Variants in DAB1 observed in about 807,000 individuals in gnomAD.
The protein encoded by DAB1 is disabled homolog 1.
Under a neutral mutation model 64.6 loss-of-function variants are expected in DAB1, and 15 were observed. That is an observed-to-expected ratio of 0.23 (90% CI 0.16 to 0.36). The LOEUF is 0.36. DAB1 is among the 10% of genes least tolerant of loss of function. The pLI, the probability that DAB1 is intolerant of heterozygous loss-of-function variation, is 1.00. For missense variants in DAB1, 596 were observed against 706.7 expected, an observed-to-expected ratio of 0.84 and a Z score of 1.78; for synonymous variants, 235 against 251.9, an observed-to-expected ratio of 0.93 and a Z score of 0.64.
At chr1:57,393,574 T>G (rs1453572200) in intron 1 of DAB1, among the ~76,000 whole-genome samples, 2 of 151,934 alleles carry the variant, frequency 1.3e-5, no homozygotes, top group Non-Finnish European at 2.9e-5. Flanking sequence ...CATGCACCTG[T>G]AGTCCCAGTT....
chr1:58,124,207 T>C (rs895269851), intron 5 of DAB1, among the ~76,000 whole-genome samples: 103 of 148,202 alleles, frequency 6.9e-4, no homozygotes, highest in Middle Eastern at 3.5e-3. Context: ...TATATATATA[T>C]ACACACACAC....
At chr1:57,658,444 C>T (rs1030604614) in intron 6 of DAB1, among the ~76,000 whole-genome samples, 27 of 151,652 alleles carry the variant, frequency 1.8e-4, no homozygotes, top group Non-Finnish European at 3.5e-4. Context: ...GCTGGGACTA[C>T]AGGCGCCCAC....
At chr1:57,070,351 G>C (rs3820576) in intron 7 of DAB1, among the ~76,000 whole-genome samples, 27,730 of 152,136 alleles carry the variant, frequency 0.18, 3,173 homozygotes, top group East Asian at 0.48. Flanking sequence ...GGGAGGGAGA[G>C]GCTGTCTTTT....
At chr1:57,531,926 A>G (rs180926253) in intron 7 of DAB1, among the ~76,000 whole-genome samples, 6 of 152,310 alleles carry the variant, frequency 3.9e-5, no homozygotes, top group Non-Finnish European at 7.4e-5. Context: ...CCTATTTACA[A>G]CAGATGTAAA....
chr1:58,461,357 T>A (rs1320935077), intron 3 of DAB1, among the ~76,000 whole-genome samples: 1 of 152,086 alleles, frequency 6.6e-6, no homozygotes, highest in Non-Finnish European at 1.5e-5. Context: ...TGTCTTAGAG[T>A]CTAGTTCTTT....
At chr1:58,190,616 AAAAT>A (rs1293626711) in intron 4 of DAB1, among the ~76,000 whole-genome samples, 1 of 152,216 alleles carries the variant, frequency 6.6e-6, no homozygotes, top group Non-Finnish European at 1.5e-5. Flanking sequence ...TCAGGTTAAA[AAAAT>A]AAATAAATAA....
intron 1 of DAB1, among the ~76,000 whole-genome samples, chr1:57,415,393 A>C (rs190686137): frequency 1.1e-3 from 162 of 152,140 alleles, no homozygotes; most frequent in African/African-American, 3.8e-3. Flanking sequence ...CAGAGTGGGA[A>C]AAAAAAGGCT....
chr1:57,773,376 G>C (rs12144564), intron 6 of DAB1, among the ~76,000 whole-genome samples: 2 of 125,982 alleles, frequency 1.6e-5, no homozygotes, highest in African/African-American at 2.8e-5. Context: ...CACACACACA[G>C]ACACGTACAC....
intron 14 of DAB1, 150 bp downstream of exon 14, chr1:57,010,530 G>A: frequency 2.2e-6 from 1 of 447,070 alleles, no homozygotes. Context: ...ATACAGTTCA[G>A]GGAAGGAGCG....
intron 6 of DAB1, among the ~76,000 whole-genome samples, chr1:57,678,887 C>T (rs1558602953): frequency 6.6e-6 from 1 of 151,706 alleles, no homozygotes; most frequent in Non-Finnish European, 1.5e-5. Flanking sequence ...CTGCCACAGC[C>T]TCCTGAGTAG....
At chr1:58,058,463 G>A (rs1332663937) in intron 5 of DAB1, among the ~76,000 whole-genome samples, 1 of 152,108 alleles carries the variant, frequency 6.6e-6, no homozygotes, top group African/African-American at 2.4e-5. Context: ...TATCAGCCAC[G>A]CTCGACTGTT....
intron 6 of DAB1, among the ~76,000 whole-genome samples, chr1:57,659,702 G>T (rs1646362538): frequency 6.6e-6 from 1 of 152,138 alleles, no homozygotes; most frequent in South Asian, 2.1e-4. Context: ...GGGGCTGGGT[G>T]TGGTGGCTCA....
intron 1 of DAB1, among the ~76,000 whole-genome samples, chr1:57,839,547 C>T (rs1353343503): frequency 4.6e-5 from 7 of 152,288 alleles, no homozygotes; most frequent in Non-Finnish European, 1.0e-4. Flanking sequence ...TATTATGGCT[C>T]ATTGCCCTAA....
At chr1:57,322,821 T>C (rs1021055481) in intron 1 of DAB1, among the ~76,000 whole-genome samples, 1 of 152,190 alleles carries the variant, frequency 6.6e-6, no homozygotes, top group Non-Finnish European at 1.5e-5. Flanking sequence ...CTCACCACTG[T>C]GAATGCACTG....
chr1:57,079,241 T>A (rs1477626676), intron 4 of DAB1, among the ~76,000 whole-genome samples: 1 of 152,062 alleles, frequency 6.6e-6, no homozygotes, highest in East Asian at 1.9e-4. Flanking sequence ...AATAAGATGG[T>A]TTTTTCTTTC....
intron 2 of DAB1, among the ~76,000 whole-genome samples, chr1:57,188,721 T>C (rs534757191): frequency 6.6e-6 from 1 of 152,308 alleles, no homozygotes; most frequent in Admixed American, 6.5e-5. Flanking sequence ...CCAAAAATTG[T>C]TCCATTAATC....
At chr1:57,014,587 T>C (rs1357944076) in intron 12 of DAB1, among the ~76,000 whole-genome samples, 1 of 152,200 alleles carries the variant, frequency 6.6e-6, no homozygotes, top group Non-Finnish European at 1.5e-5. Flanking sequence ...AATACCACTT[T>C]GTCTATTGTC....
intron 9 of DAB1, among the ~76,000 whole-genome samples, chr1:57,060,795 G>A (rs1650309693): frequency 6.6e-6 from 1 of 151,948 alleles, no homozygotes; most frequent in Admixed American, 6.6e-5. Flanking sequence ...GGCTGGAGAG[G>A]GGACCTTCAG....
intron 5 of DAB1, among the ~76,000 whole-genome samples, chr1:57,996,034 G>A (rs1353855273): frequency 2.6e-5 from 4 of 152,090 alleles, no homozygotes; most frequent in Non-Finnish European, 5.9e-5. Context: ...CGAGGCGGGC[G>A]GATCACTTGA....
Sources: gnomAD v4.1 joint callset for allele counts (sites outside exome capture counted in the v4.1 genomes callset) on GRCh38, gnomAD v4.1.1 for gene constraint, MANE v1.5 for transcripts, NCBI Gene and HGNC (gene_info 2026-07-23, HGNC 2026-07-21) for gene names.